EFNA5: variants seen among roughly 807,000 people sequenced by gnomAD.
The protein encoded by EFNA5 is ephrin-A5.
Under a neutral mutation model 22.9 loss-of-function variants are expected in EFNA5, and 5 were observed. The observed-to-expected ratio is 0.22, with a 90% confidence interval of 0.11 to 0.46. The LOEUF is 0.46. Ranked by LOEUF, EFNA5 falls within the 20% of genes least tolerant of loss-of-function variation. The pLI is 0.99. For synonymous variants in EFNA5, 113 were observed against 112.2 expected (o/e 1.01, Z -0.04); for missense variants, 237 against 293.3 (o/e 0.81, Z 1.40).
At chr5:107,392,404 C>T (rs1313701034) in intron 2 of EFNA5, among the ~76,000 whole-genome samples, 1 of 152,094 alleles carries the variant, frequency 6.6e-6, no homozygotes, top group Non-Finnish European at 1.5e-5. Context: ...ATGGAGAGGA[C>T]CATGTAGCAA....
At chr5:107,509,999 A>T (rs1365681403) in intron 1 of EFNA5, among the ~76,000 whole-genome samples, 1 of 152,228 alleles carries the variant, frequency 6.6e-6, no homozygotes. Context: ...AATAAGGGCT[A>T]TGTAAAATGA....
At chr5:107,497,256 G>A (rs1321522175) in intron 1 of EFNA5, among the ~76,000 whole-genome samples, 3 of 152,198 alleles carry the variant, frequency 2.0e-5, no homozygotes, top group African/African-American at 7.2e-5. Flanking sequence ...TGTAGGAACA[G>A]GTTCATATTC....
At chr5:107,663,335 C>T (rs997397332) in intron 1 of EFNA5, among the ~76,000 whole-genome samples, 6 of 152,038 alleles carry the variant, frequency 3.9e-5, no homozygotes, top group Non-Finnish European at 7.4e-5. Context: ...CATGTGTTTC[C>T]AACATGGTAA....
At chr5:107,643,751 A>G (rs1014445253) in intron 1 of EFNA5, among the ~76,000 whole-genome samples, 2 of 152,132 alleles carry the variant, frequency 1.3e-5, no homozygotes, top group African/African-American at 4.8e-5. Context: ...CAAGTTATCC[A>G]AAGAGAGCCC....
chr5:107,496,346 AAAAAAAAC>A, intron 1 of EFNA5, among the ~76,000 whole-genome samples: 1 of 149,904 alleles, frequency 6.7e-6, no homozygotes, highest in Admixed American at 6.6e-5. Context: ...CAAAAAAAAA[AAAAAAAAC>A]AAAAAAACAA....
intron 1 of EFNA5, among the ~76,000 whole-genome samples, chr5:107,461,483 T>C (rs181570822): frequency 6.6e-6 from 1 of 151,714 alleles, no homozygotes; most frequent in Non-Finnish European, 1.5e-5. Flanking sequence ...ACATTAAATA[T>C]AGAGGGGGGA....
intron 1 of EFNA5, among the ~76,000 whole-genome samples, chr5:107,588,234 T>TAA (rs111263136): frequency 3.5e-4 from 51 of 146,140 alleles, no homozygotes; most frequent in African/African-American, 1.1e-3. Context: ...TATTTTTCGT[T>TAA]AAAAAAAAAA....
At chr5:107,494,170 AC>A (rs1160628327) in intron 1 of EFNA5, among the ~76,000 whole-genome samples, 1 of 152,056 alleles carries the variant, frequency 6.6e-6, no homozygotes, top group African/African-American at 2.4e-5. Context: ...CCTTCAGCCC[AC>A]CGCTGCACTG....
chr5:107,403,644 T>A (rs1284350524), intron 2 of EFNA5, among the ~76,000 whole-genome samples: 2 of 152,248 alleles, frequency 1.3e-5, no homozygotes. Context: ...CTTTGCCGCA[T>A]ATTGAACATA....
At chr5:107,661,888 C>A (rs1248596385) in intron 1 of EFNA5, among the ~76,000 whole-genome samples, 2 of 152,088 alleles carry the variant, frequency 1.3e-5, no homozygotes, top group Admixed American at 6.5e-5. Context: ...TATGCCATAA[C>A]CTCATTTAAT....
intron 1 of EFNA5, among the ~76,000 whole-genome samples, chr5:107,593,336 C>A (rs1236833831): frequency 1.3e-5 from 2 of 152,170 alleles, no homozygotes; most frequent in Non-Finnish European, 2.9e-5. Context: ...TGTGGCTTTG[C>A]ACCAGGAGAA....
At chr5:107,542,770 G>A (rs1390728080) in intron 1 of EFNA5, among the ~76,000 whole-genome samples, 1 of 152,052 alleles carries the variant, frequency 6.6e-6, no homozygotes, top group Non-Finnish European at 1.5e-5. Context: ...ACAATGTCTG[G>A]GTTAGGAAGG....
intron 1 of EFNA5, among the ~76,000 whole-genome samples, chr5:107,599,857 T>G (rs893782218): frequency 6.6e-6 from 1 of 152,226 alleles, no homozygotes; most frequent in Non-Finnish European, 1.5e-5. Context: ...TCCGAGGCTG[T>G]GCCTTGCAGA....
At chr5:107,483,663 T>TA (rs1750544326) in intron 1 of EFNA5, among the ~76,000 whole-genome samples, 1 of 152,212 alleles carries the variant, frequency 6.6e-6, no homozygotes, top group South Asian at 2.1e-4. Flanking sequence ...ATACTTAACT[T>TA]ACAAAAGTTT....
chr5:107,631,816 C>A (rs944400607), intron 1 of EFNA5, among the ~76,000 whole-genome samples: 1 of 152,170 alleles, frequency 6.6e-6, no homozygotes, highest in Admixed American at 6.5e-5. Context: ...GGTCTGCTTT[C>A]TCAAAGTAAT....
chr5:107,622,328 A>G (rs1750053941), intron 1 of EFNA5, among the ~76,000 whole-genome samples: 1 of 152,210 alleles, frequency 6.6e-6, no homozygotes, highest in Non-Finnish European at 1.5e-5. Context: ...GAAGCTTTTA[A>G]TAAAATCCCC....
chr5:107,549,519 A>G (rs1044398930), intron 1 of EFNA5, among the ~76,000 whole-genome samples: 3 of 152,242 alleles, frequency 2.0e-5, no homozygotes, highest in African/African-American at 7.2e-5. Context: ...TCCAGTCCCT[A>G]AGAGTAAACT....
At chr5:107,488,605 C>T (rs1420315140) in intron 1 of EFNA5, among the ~76,000 whole-genome samples, 1 of 152,198 alleles carries the variant, frequency 6.6e-6, no homozygotes. Context: ...AGAAGCTATA[C>T]CTGGTTTTAT....
intron 1 of EFNA5, among the ~76,000 whole-genome samples, chr5:107,478,944 G>GTATAC (rs1356332507): frequency 6.6e-6 from 1 of 152,094 alleles, no homozygotes; most frequent in African/African-American, 2.4e-5. Context: ...GATCAGGAAA[G>GTATAC]TATACTATAC....
Sources: gnomAD v4.1 joint callset for allele counts (sites outside exome capture counted in the v4.1 genomes callset) on GRCh38, gnomAD v4.1.1 for gene constraint, MANE v1.5 for transcripts, NCBI Gene and HGNC (gene_info 2026-07-23, HGNC 2026-07-21) for gene names.